OSBPL10: variants seen among roughly 807,000 people sequenced by gnomAD.
The protein encoded by OSBPL10 is oxysterol binding protein like 10.
A neutral mutation model predicts 81.7 loss-of-function variants in OSBPL10; 49 were observed. That is an observed-to-expected ratio of 0.60 (90% confidence interval 0.48 to 0.76). The LOEUF is 0.76. OSBPL10 is among the 30% of genes least tolerant of loss of function. The pLI is 0.00. For synonymous variants in OSBPL10, 419 were observed against 383.6 expected, an observed-to-expected ratio of 1.09 and a Z score of -1.08; for missense variants, 923 against 987.8, an observed-to-expected ratio of 0.93 and a Z score of 0.88.
intron 6 of OSBPL10, chr3:31,703,484 C>T (rs1436699714): frequency 2.6e-5 from 4 of 152,152 alleles, no homozygotes; most frequent in African/African-American, 9.7e-5. Context: ...ACAGACTTGT[C>T]CAAATGTCCA....
intron 1 of OSBPL10, among the ~76,000 whole-genome samples, chr3:32,070,463 G>A (rs1246032763): frequency 6.6e-6 from 1 of 152,018 alleles, no homozygotes; most frequent in Non-Finnish European, 1.5e-5. Context: ...CCTCCTTCGT[G>A]TCTTCCTCTC....
At chr3:31,926,504 T>C (rs1305237229) in intron 1 of OSBPL10, among the ~76,000 whole-genome samples, 1 of 152,068 alleles carries the variant, frequency 6.6e-6, no homozygotes, top group Non-Finnish European at 1.5e-5. Context: ...TCACCTCGCT[T>C]CCTCATGAGA....
At chr3:31,676,689 T>C (rs1485791768) in intron 8 of OSBPL10, among the ~76,000 whole-genome samples, 1 of 152,198 alleles carries the variant, frequency 6.6e-6, no homozygotes, top group Admixed American at 6.5e-5. Flanking sequence ...TTCCTCTCAT[T>C]AGAACTAACT....
chr3:31,851,280 AG>A (rs889524326), intron 3 of OSBPL10, among the ~76,000 whole-genome samples: 9 of 152,366 alleles, frequency 5.9e-5, no homozygotes, highest in Non-Finnish European at 1.0e-4. Flanking sequence ...TGTGTCGAGA[AG>A]TCCTAAGAGA....
chr3:31,830,461 C>G (rs568937393), intron 3 of OSBPL10, among the ~76,000 whole-genome samples: 4 of 152,260 alleles, frequency 2.6e-5, no homozygotes, highest in African/African-American at 9.6e-5. Flanking sequence ...TCCTGTCCTA[C>G]GCTATGGCCA....
At chr3:32,044,552 G>A (rs972575001) in intron 2 of OSBPL10, among the ~76,000 whole-genome samples, 1 of 151,324 alleles carries the variant, frequency 6.6e-6, no homozygotes, top group Non-Finnish European at 1.5e-5. Context: ...GACCAAGCCT[G>A]ACCAACAGGA....
chr3:31,892,365 G>A (rs576398904), intron 1 of OSBPL10, among the ~76,000 whole-genome samples: 2 of 152,264 alleles, frequency 1.3e-5, no homozygotes, highest in African/African-American at 4.8e-5. Context: ...ATCAACCAGC[G>A]GCAGGGACAG....
chr3:31,747,992 G>A lies in OSBPL10; in HGVS notation c.858C>T (p.Leu286=), dbSNP rs1697582988. Residue 286 remains leucine, a synonymous_variant, in exon 5 of 12, where the codon CTC becomes CTT. Transcript: ENST00000396556. ...AGTTGAGGCACTCCCCAAGGCAGCTGAGGGTGGCAGCAGAGGTAGCTTTCA... is the reference window on the plus strand; with the variant it reads ...AGTTGAGGCACTCCCCAAGGCAGCTAAGGGTGGCAGCAGAGGTAGCTTTCA... ...LLLKATSAAT[L]SCLGECLNLL... is the part of the protein sequence containing the mutation. The A allele has an allele frequency of 6.2e-7, 1 of 1,614,196 alleles. No homozygotes were observed. The highest frequency in any genetic ancestry group is 8.5e-7 in the Non-Finnish European group (1 of 1,180,040).
chr3:31,812,818 G>GAAAGAAAGAAAGAAAGAGAA (rs1223174164), intron 4 of OSBPL10, among the ~76,000 whole-genome samples: 1 of 25,882 alleles, frequency 3.9e-5, no homozygotes, highest in South Asian at 2.0e-3. Flanking sequence ...AAGAAAGAAA[G>GAAAGAAAGAAAGAAAGAGAA]AGAAAGAAAG....
At chr3:31,788,212 T>G (rs1698908899) in intron 4 of OSBPL10, among the ~76,000 whole-genome samples, 1 of 152,210 alleles carries the variant, frequency 6.6e-6, no homozygotes, top group African/African-American at 2.4e-5. Context: ...AGAAATTAGT[T>G]TTCTAGAACT....
intron 4 of OSBPL10, among the ~76,000 whole-genome samples, chr3:31,798,575 TTAA>T (rs1699298951): frequency 6.6e-6 from 1 of 152,132 alleles, no homozygotes; most frequent in Non-Finnish European, 1.5e-5. Context: ...ATTATTAAAA[TTAA>T]TTTTACCTGT....
At position 31,871,482 on chromosome 3, in the gene OSBPL10, C is replaced by G. The variant is rs1321616531; in HGVS notation, c.537+4951G>C. On this transcript the variant is annotated intron_variant, in intron 3 of 11. Transcript: ENST00000396556. ...CACCGCAAGGGTCCACGGCTTCATT[C>G]TTGAAGTCAGTGAGACCAAGAACCC... 2.6e-5 allele frequency among the ~76,000 whole-genome samples: 4 copies of G among 152,246 alleles called. No homozygotes were observed. In the East Asian group the frequency reaches 7.7e-4, roughly 29 times the overall value.
At chr3:32,057,671 A>C (rs1447675872) in intron 1 of OSBPL10, among the ~76,000 whole-genome samples, 1 of 152,222 alleles carries the variant, frequency 6.6e-6, no homozygotes, top group Admixed American at 6.5e-5. Context: ...CCATGATCCA[A>C]TTACCTCCAC....
At chr3:31,812,848 G>A (rs1038990764) in intron 4 of OSBPL10, among the ~76,000 whole-genome samples, 7 of 145,292 alleles carry the variant, frequency 4.8e-5, no homozygotes, top group Admixed American at 1.4e-4. Flanking sequence ...AAGAAAGAAC[G>A]AACTTCTCCA....
chr3:32,020,341 G>A (rs1699349517), intron 2 of OSBPL10, among the ~76,000 whole-genome samples: 1 of 152,070 alleles, frequency 6.6e-6, no homozygotes, highest in African/African-American at 2.4e-5. Flanking sequence ...AGCCTGATCT[G>A]CTTTCTCTTT....
intron 2 of OSBPL10, among the ~76,000 whole-genome samples, chr3:32,013,833 T>C (rs780337764): frequency 2.0e-5 from 3 of 152,122 alleles, no homozygotes; most frequent in Non-Finnish European, 4.4e-5. Flanking sequence ...GCAAATAAAC[T>C]TGAAAATCTA....
chr3:31,951,918 T>A (rs1032951679), intron 1 of OSBPL10, among the ~76,000 whole-genome samples: 6 of 152,050 alleles, frequency 3.9e-5, no homozygotes, highest in Non-Finnish European at 7.4e-5. Flanking sequence ...AAGAAAAAAA[T>A]TAGATATAAT....
Position 31,830,231 on chromosome 3 carries a change from T to C in OSBPL10, c.538A>G (p.Ser180Gly), listed in dbSNP as rs775415935. 1 of 1,611,238 alleles carries C rather than the reference T, an allele frequency of 6.2e-7. No individual in the cohort carries two copies. The highest frequency in any genetic ancestry group is 8.5e-7 in the Non-Finnish European group (1 of 1,178,706). The change falls in exon 4 of 12, where the codon AGT becomes GGT. Residue 180 changes from serine to glycine, a missense_variant and splice_region_variant. Ser to Gly is a moderately conservative substitution (Grantham distance 56). This residue lies in a region of OSBPL10 where 514 missense variants were observed against 508.0 expected (regional missense o/e 1.01). Coordinates refer to ENST00000396556, the MANE Select transcript of OSBPL10 (RefSeq NM_017784.5). The part of the protein sequence containing the change: ...AKYHMEMNSK[S>G]APSSRSRSLT... ...CTTCGGCTTCGGGAGCTTGGAGCAC[T>C]CTAGAATAAGCAACAGGTGTCAAAA...
intron 6 of OSBPL10, chr3:31,704,169 G>C (rs557214324): frequency 6.6e-6 from 1 of 152,500 alleles, no homozygotes; most frequent in African/African-American, 2.4e-5. Flanking sequence ...CTAATGCTGA[G>C]ATTAGCAGGG....
Sources: allele counts gnomAD v4.1 joint callset (sites outside exome capture counted in the v4.1 genomes callset), GRCh38; gene constraint gnomAD v4.1.1; regional missense constraint gnomAD v4.1.1; transcripts MANE v1.5; gene names NCBI Gene and HGNC (gene_info 2026-07-23, HGNC 2026-07-21).